EFHB: variants seen among roughly 807,000 people sequenced by gnomAD.
EFHB encodes the protein EF-hand domain-containing family member B.
EFHB carries 91 observed loss-of-function variants against 87.2 expected under a neutral mutation model. That is an observed-to-expected ratio of 1.04 (90% CI 0.88 to 1.24). EFHB has a LOEUF of 1.24. EFHB is among the 50% of genes most tolerant of loss of function. The pLI is 0.00. For missense variants in EFHB, 1,084 were observed against 998.8 expected (o/e 1.09, Z -1.15); for synonymous variants, 325 against 333.6 (o/e 0.97, Z 0.28).
intron 5 of EFHB, among the ~76,000 whole-genome samples, chr3:19,914,278 G>C (rs990619668): frequency 5.9e-5 from 9 of 152,200 alleles, no homozygotes; most frequent in Middle Eastern, 3.4e-3. Flanking sequence ...CTGTGCAATA[G>C]ACATGAAATT....
In EFHB at chr3:19,933,165, T is replaced by C. The variant is rs556484381; in HGVS notation, c.789+65A>G. The C allele has an allele frequency of 3.4e-6, 5 of 1,482,138 alleles. No homozygotes were observed. The African/African-American group carries it at 4.2e-5, about 13-fold the overall frequency. The allele number at this position is 1,482,138 out of a possible 1,614,324, so 91.8% of individuals were successfully genotyped here. On this transcript the variant is annotated intron_variant, in intron 1 of 12. Transcript: ENST00000295824. ...CAAACCAAAACAAATTTTATCACTT[T>C]ATCATCTCAATAAAGACATGGCTAT...
chr3:19,927,358 T>A (rs13096320), intron 1 of EFHB, among the ~76,000 whole-genome samples: 1 of 152,180 alleles, frequency 6.6e-6, no homozygotes, highest in East Asian at 1.9e-4. Context: ...TTCACAAGAA[T>A]CTTTTTGATT....
intron 9 of EFHB, among the ~76,000 whole-genome samples, chr3:19,890,309 AAAG>A (rs1285668156): frequency 6.6e-6 from 1 of 152,084 alleles, no homozygotes; most frequent in African/African-American, 2.4e-5. Context: ...CTTTAGGGAG[AAAG>A]ATGATTAGAA....
chr3:19,929,683 TG>T (rs1695760970), intron 1 of EFHB, among the ~76,000 whole-genome samples: 1 of 115,780 alleles, frequency 8.6e-6, no homozygotes, highest in African/African-American at 3.4e-5. Flanking sequence ...CACTCCAGCC[TG>T]GGCGAGAGCG....
At chr3:19,899,759 G>T (rs893868013) in intron 6 of EFHB, among the ~76,000 whole-genome samples, 6 of 152,140 alleles carry the variant, frequency 3.9e-5, no homozygotes, top group Non-Finnish European at 7.3e-5. Context: ...ATAAAACAAG[G>T]TGTTAATATC....
chr3:19,883,767 C>T (rs563670222), intron 11 of EFHB, among the ~76,000 whole-genome samples: 43 of 152,210 alleles, frequency 2.8e-4, no homozygotes, highest in African/African-American at 8.7e-4. Context: ...GAGAACACCA[C>T]GTGAAGATGA....
chr3:19,925,700 C>G (rs75815650), intron 1 of EFHB, among the ~76,000 whole-genome samples: 3,801 of 152,226 alleles, frequency 0.025, 153 homozygotes, highest in African/African-American at 0.087. Context: ...GTACCTCTTT[C>G]ATTTATCATA....
At chr3:19,941,240 G>A in intron 1 of EFHB, 2 of 314,284 alleles carry the variant, frequency 6.4e-6, no homozygotes, top group South Asian at 4.2e-5. Context: ...ATAGGGTCCA[G>A]GTGTCACAGA....
chr3:19,881,370 C>T (rs1258432463), intron 12 of EFHB, among the ~76,000 whole-genome samples: 1 of 152,142 alleles, frequency 6.6e-6, no homozygotes, highest in African/African-American at 2.4e-5. Flanking sequence ...ATCCTCAAGT[C>T]AACATTATTA....
chr3:19,924,804 T>C (rs1305538423), intron 1 of EFHB, among the ~76,000 whole-genome samples: 1 of 152,146 alleles, frequency 6.6e-6, no homozygotes, highest in East Asian at 1.9e-4. Flanking sequence ...GAATAGTACA[T>C]GGCACATGTA....
intron 7 of EFHB, 100 bp downstream of exon 7, chr3:19,899,332 T>A: frequency 1.4e-6 from 1 of 732,742 alleles, no homozygotes; most frequent in Non-Finnish European, 2.1e-6. Flanking sequence ...TTTTCTTATT[T>A]AATAGATAGA....
At chr3:19,908,752 T>G (rs933933638) in intron 5 of EFHB, among the ~76,000 whole-genome samples, 1 of 152,154 alleles carries the variant, frequency 6.6e-6, no homozygotes, top group Admixed American at 6.5e-5. Flanking sequence ...ATCACTTTAG[T>G]AATGATTAAA....
chr3:19,890,503 A>G (rs1694269437), intron 9 of EFHB, among the ~76,000 whole-genome samples: 1 of 152,196 alleles, frequency 6.6e-6, no homozygotes, highest in Non-Finnish European at 1.5e-5. Flanking sequence ...TGCAGAGAAG[A>G]ATTAAAGATA....
rs1481191168 is a variant in EFHB, at chr3:19,908,608, G to GA, written c.1289-2860dup. Among the ~76,000 whole-genome samples, 602 of 136,328 alleles carry GA rather than the reference G, an allele frequency of 4.4e-3. 7 individuals are homozygous for GA. The highest frequency in any genetic ancestry group is 0.015 in the Middle Eastern group (4 of 274). 89.4% of individuals were successfully genotyped at this position (136,328 alleles called of 152,430 possible). ...AGAGAGAGAGAGAGAGAGAAAGAAA[G>GA]AAAGAAAGAAAGAAAGAAAGAAAGA... On this transcript the variant is annotated intron_variant, in intron 5 of 12. Transcript: ENST00000295824.
chr3:19,945,170 G>A (rs573595093), intron 1 of EFHB, among the ~76,000 whole-genome samples: 3 of 152,250 alleles, frequency 2.0e-5, no homozygotes, highest in African/African-American at 4.8e-5. Flanking sequence ...TACCAAGATG[G>A]CAACACACAG....
intron 6 of EFHB, among the ~76,000 whole-genome samples, chr3:19,900,269 T>A (rs1020989445): frequency 6.6e-6 from 1 of 150,664 alleles, no homozygotes; most frequent in Non-Finnish European, 1.5e-5. Flanking sequence ...AAAATAAAAA[T>A]AAAAAAATTT....
At chr3:19,903,378 T>G (rs1252263669) in intron 6 of EFHB, among the ~76,000 whole-genome samples, 1 of 152,166 alleles carries the variant, frequency 6.6e-6, no homozygotes, top group Non-Finnish European at 1.5e-5. Flanking sequence ...ACATTGTTGT[T>G]AATGTGTTTA....
intron 9 of EFHB, among the ~76,000 whole-genome samples, chr3:19,895,839 A>T (rs901266699): frequency 8.5e-5 from 13 of 152,202 alleles, no homozygotes; most frequent in African/African-American, 3.1e-4. Context: ...CTAACAAAAA[A>T]TATGCCACGT....
At chr3:19,921,343 T>C (rs747101812) in intron 1 of EFHB, among the ~76,000 whole-genome samples, 19 of 151,818 alleles carry the variant, frequency 1.3e-4, no homozygotes, top group Admixed American at 2.6e-4. Context: ...CATCTCTAGG[T>C]ATAAAAGAGG....
Sources: allele counts gnomAD v4.1 joint callset (sites outside exome capture counted in the v4.1 genomes callset), GRCh38; gene constraint gnomAD v4.1.1; transcripts MANE v1.5; gene names NCBI Gene and HGNC (gene_info 2026-07-23, HGNC 2026-07-21).